NOL4: variants seen among roughly 807,000 people sequenced by gnomAD.
NOL4 encodes the protein nucleolar protein 4, also known as cancer/testis antigen 125.
A neutral mutation model predicts 75.9 loss-of-function variants in NOL4; 17 were observed. That is an observed-to-expected ratio of 0.22 (90% CI 0.15 to 0.34). The LOEUF (loss-of-function observed/expected upper bound fraction) is 0.34. NOL4 is among the 10% of genes least tolerant of loss of function. The pLI is 1.00. For missense variants in NOL4, 614 were observed against 793.5 expected (o/e 0.77, Z 2.72); for synonymous variants, 292 against 289.9 (o/e 1.01, Z -0.07).
intron 6 of NOL4, among the ~76,000 whole-genome samples, chr18:34,007,211 C>A (rs1485545739): frequency 6.6e-6 from 1 of 151,818 alleles, no homozygotes; most frequent in Non-Finnish European, 1.5e-5. Flanking sequence ...CAGGCTACCA[C>A]AAAGAAATTT....
chr18:33,999,138 G>A (rs2146206330), intron 6 of NOL4, among the ~76,000 whole-genome samples: 1 of 150,066 alleles, frequency 6.7e-6, no homozygotes, highest in Non-Finnish European at 1.5e-5. Flanking sequence ...TACAGATAAT[G>A]CTGAGTTTTT....
At chr18:34,040,206 A>G (rs1273950411) in intron 5 of NOL4, among the ~76,000 whole-genome samples, 1 of 151,952 alleles carries the variant, frequency 6.6e-6, no homozygotes, top group Non-Finnish European at 1.5e-5. Flanking sequence ...TACATACCGA[A>G]CTGTTAATGG....
intron 5 of NOL4, among the ~76,000 whole-genome samples, chr18:34,047,067 G>A (rs1174429152): frequency 2.6e-5 from 4 of 152,098 alleles, no homozygotes; most frequent in African/African-American, 9.6e-5. Context: ...AACCCTTCTA[G>A]TTTTGTGTGT....
At chr18:33,915,481 G>T (rs1188268915) in intron 9 of NOL4, among the ~76,000 whole-genome samples, 1 of 152,106 alleles carries the variant, frequency 6.6e-6, no homozygotes, top group Non-Finnish European at 1.5e-5. Context: ...GAAGAATCCA[G>T]TGTAAAGGGG....
chr18:34,103,760 A>C (rs2079144603), intron 4 of NOL4, among the ~76,000 whole-genome samples: 1 of 152,000 alleles, frequency 6.6e-6, no homozygotes, highest in Non-Finnish European at 1.5e-5. Flanking sequence ...TGAACTTTGT[A>C]GCACTTTACC....
Position 34,052,100 on chromosome 18 carries a change from C to T in NOL4, c.773-32499G>A, listed in dbSNP as rs540018463. On this transcript the variant is annotated intron_variant, in intron 5 of 10. Transcript: ENST00000261592. ...TTATCTGCATATTAACTAGCATTTA[C>T]TCACATCATCTATATAATTTAATAT... 2.3e-3 allele frequency among the ~76,000 whole-genome samples: 343 copies of T among 152,036 alleles called. 2 individuals are homozygous for T. The highest frequency in any genetic ancestry group is 7.9e-3 in the African/African-American group (326 of 41,510).
At chr18:34,012,484 G>A (rs1277342611) in intron 6 of NOL4, among the ~76,000 whole-genome samples, 1 of 151,658 alleles carries the variant, frequency 6.6e-6, no homozygotes, top group African/African-American at 2.4e-5. Context: ...TTTAAGTATG[G>A]AATATACTAT....
intron 9 of NOL4, among the ~76,000 whole-genome samples, chr18:33,900,327 C>T (rs373605005): frequency 2.0e-4 from 30 of 152,124 alleles, no homozygotes; most frequent in South Asian, 4.1e-4. Flanking sequence ...ATGAGGGGTC[C>T]GCCCCCATGA....
In NOL4 at chr18:33,871,216, G is replaced by T. The variant is rs535697315; in HGVS notation, c.1723+12028C>A. Among the ~76,000 whole-genome samples the T allele has an allele frequency of 2.6e-5, 4 of 152,154 alleles. No individual in the cohort carries two copies. In the East Asian group the frequency reaches 7.7e-4, roughly 29 times the overall value. Reference sequence around the variant, plus strand: ...GCTCAAAGGTTGAAAAGTTTATGAAGAGGGAAAAACGAAGACACATTTAGC... The same window carrying T: ...GCTCAAAGGTTGAAAAGTTTATGAATAGGGAAAAACGAAGACACATTTAGC... On this transcript the variant is annotated intron_variant, in intron 10 of 10. Coordinates refer to ENST00000261592, the MANE Select transcript of NOL4 (RefSeq NM_003787.5).
intron 1 of NOL4, among the ~76,000 whole-genome samples, chr18:34,202,004 T>C (rs1385884751): frequency 6.6e-6 from 1 of 151,830 alleles, no homozygotes; most frequent in African/African-American, 2.4e-5. Context: ...AGCAAATATA[T>C]TTGATTATTT....
intron 6 of NOL4, among the ~76,000 whole-genome samples, chr18:34,002,438 A>AT (rs2073780323): frequency 1.3e-5 from 2 of 152,060 alleles, no homozygotes; most frequent in South Asian, 4.1e-4. Flanking sequence ...CTAATGAGAT[A>AT]TTATACCTTC....
intron 10 of NOL4, among the ~76,000 whole-genome samples, chr18:33,860,868 C>G (rs1176574382): frequency 1.3e-5 from 2 of 151,970 alleles, no homozygotes; most frequent in Non-Finnish European, 2.9e-5. Flanking sequence ...TGTCAAAGGC[C>G]TTTTCTGCAT....
intron 1 of NOL4, among the ~76,000 whole-genome samples, chr18:34,217,213 G>A (rs545997663): frequency 6.6e-6 from 1 of 152,168 alleles, no homozygotes; most frequent in East Asian, 1.9e-4. Flanking sequence ...AATGGAGTAG[G>A]TAGAATAAAT....
At chr18:34,105,272 G>A (rs1278664067) in intron 2 of NOL4, 112 bp from the exon 3 acceptor site, 3 of 704,664 alleles carry the variant, frequency 4.3e-6, no homozygotes, top group East Asian at 2.7e-5. Context: ...ATGGCAGGAA[G>A]CACAATGAAA....
intron 1 of NOL4, among the ~76,000 whole-genome samples, chr18:34,206,082 TTTC>T (rs1273597386): frequency 6.6e-6 from 1 of 152,190 alleles, no homozygotes; most frequent in Non-Finnish European, 1.5e-5. Context: ...TATCTTTGAA[TTTC>T]TTCTTTCACC....
intron 5 of NOL4, among the ~76,000 whole-genome samples, chr18:34,027,647 A>G (rs975841537): frequency 1.3e-5 from 2 of 152,222 alleles, no homozygotes; most frequent in East Asian, 1.9e-4. Context: ...ATTGTATTAT[A>G]CACTAATTTT....
intron 1 of NOL4, among the ~76,000 whole-genome samples, chr18:34,159,198 C>T (rs1374880993): frequency 6.6e-6 from 1 of 152,200 alleles, no homozygotes; most frequent in Non-Finnish European, 1.5e-5. Flanking sequence ...TCCTCCTCGC[C>T]TCCCCCGACC....
intron 1 of NOL4, among the ~76,000 whole-genome samples, chr18:34,209,275 G>T (rs539345517): frequency 3.3e-4 from 50 of 150,782 alleles, no homozygotes; most frequent in African/African-American, 1.2e-3. Context: ...ACATATACTT[G>T]ATTATTTGTA....
chr18:33,868,861 T>C (rs552843208), intron 10 of NOL4, among the ~76,000 whole-genome samples: 5 of 152,018 alleles, frequency 3.3e-5, no homozygotes, highest in Non-Finnish European at 7.4e-5. Flanking sequence ...ATGAAATTGA[T>C]AGCTGTTAAG....
Sources: allele counts gnomAD v4.1 joint callset (sites outside exome capture counted in the v4.1 genomes callset), GRCh38; gene constraint gnomAD v4.1.1; transcripts MANE v1.5; gene names NCBI Gene and HGNC (gene_info 2026-07-23, HGNC 2026-07-21).